The following ENTPD5 variants were observed in gnomAD, a reference collection of about 807,000 sequenced individuals.
The protein encoded by ENTPD5 is nucleoside diphosphate phosphatase ENTPD5.
In ENTPD5, 49 loss-of-function variants were observed where a neutral mutation model predicts 60.2. The observed-to-expected ratio is 0.81, with a 90% CI of 0.65 to 1.03. The LOEUF is 1.03. ENTPD5 is among the 50% of genes least tolerant of loss of function. The pLI is 0.00. For synonymous variants in ENTPD5, 187 were observed against 185.4 expected (o/e 1.01, Z -0.07); for missense variants, 480 against 507.6 (o/e 0.95, Z 0.52).
At chr14:73,974,081 G>A (rs1217530317) in intron 11 of ENTPD5, 103 bp from the exon 12 acceptor site, 15 of 880,394 alleles carry the variant, frequency 1.7e-5, no homozygotes, top group Non-Finnish European at 2.8e-5. Flanking sequence ...ATGGGGGCTG[G>A]GCCTTAAAAT....
intron 3 of ENTPD5, among the ~76,000 whole-genome samples, chr14:73,989,411 A>C (rs1259642675): frequency 1.7e-4 from 26 of 148,680 alleles, no homozygotes; most frequent in Non-Finnish European, 3.2e-4. Flanking sequence ...AAAATACAAA[A>C]ATTAGGCCGG....
At chr14:73,998,339 C>T (rs955007707) in intron 3 of ENTPD5, among the ~76,000 whole-genome samples, 6 of 152,072 alleles carry the variant, frequency 3.9e-5, no homozygotes, top group East Asian at 1.9e-4. Context: ...ATACGAAGGG[C>T]GGTAGAAGCT....
intron 3 of ENTPD5, chr14:74,003,453 A>C: frequency 7.1e-7 from 1 of 1,411,116 alleles, no homozygotes; most frequent in Non-Finnish European, 9.6e-7. Flanking sequence ...AAGAAGAAAG[A>C]TGAGGCAGAG....
At chr14:73,969,834 T>C (rs890511821) in intron 15 of ENTPD5, among the ~76,000 whole-genome samples, 176 bp downstream of exon 15, 1 of 152,222 alleles carries the variant, frequency 6.6e-6, no homozygotes, top group Admixed American at 6.5e-5. Context: ...GAGGCTACCA[T>C]TGCATTGAGA....
chr14:74,003,495 G>T, intron 3 of ENTPD5: 1 of 1,399,538 alleles, frequency 7.1e-7, no homozygotes, highest in East Asian at 2.6e-5. Flanking sequence ...GTTGCACCGT[G>T]GAGGCCACAC....
chr14:74,018,057 C>T (rs1245261618), intron 1 of ENTPD5, among the ~76,000 whole-genome samples: 1 of 150,560 alleles, frequency 6.6e-6, no homozygotes, highest in African/African-American at 2.5e-5. Context: ...TGGCATGCAC[C>T]TGTAGTCCCA....
At chr14:74,013,805 C>CAA (rs1479922824) in intron 2 of ENTPD5, among the ~76,000 whole-genome samples, 1 of 152,172 alleles carries the variant, frequency 6.6e-6, no homozygotes, top group East Asian at 1.9e-4. Context: ...ATCAGACAGG[C>CAA]TGTTATACAG....
chr14:73,956,533 A>T (rs1236665312), downstream of ENTPD5: 1 of 152,450 alleles, frequency 6.6e-6, no homozygotes, highest in Non-Finnish European at 1.5e-5. Flanking sequence ...TTCCTTCTGT[A>T]AAAAAAAACT....
intron 3 of ENTPD5, among the ~76,000 whole-genome samples, chr14:74,000,527 T>A (rs574628240): frequency 6.6e-6 from 1 of 152,082 alleles, no homozygotes; most frequent in African/African-American, 2.4e-5. Flanking sequence ...ACGCCTGTAA[T>A]CCCAACACTT....
At chr14:73,990,643 G>A (rs2058092586) in intron 3 of ENTPD5, among the ~76,000 whole-genome samples, 1 of 151,890 alleles carries the variant, frequency 6.6e-6, no homozygotes. Flanking sequence ...TTGTTTTACT[G>A]GAAAATAATT....
chr14:73,958,337 T>C (rs770956385), downstream of ENTPD5: 2 of 1,611,344 alleles, frequency 1.2e-6, no homozygotes, highest in Non-Finnish European at 1.7e-6. Context: ...TCCTAGATTC[T>C]AGGGACTCTG....
At chr14:73,999,604 A>T (rs907578014) in intron 3 of ENTPD5, among the ~76,000 whole-genome samples, 4 of 151,742 alleles carry the variant, frequency 2.6e-5, no homozygotes, top group Admixed American at 2.6e-4. Context: ...GACCAGACTG[A>T]CCAACATGGT....
rs564664465 is a variant in ENTPD5, at chr14:74,012,920, G to A, written c.-130-1770C>T. Among the ~76,000 whole-genome samples, 23 of 152,340 alleles carry A rather than the reference G, an allele frequency of 1.5e-4. No individual in the cohort carries two copies. The South Asian group carries it at 4.8e-3, about 32-fold the overall frequency. Reference sequence around the variant, plus strand: ...AGTCACAAGCTGGGGCCTCTAGTCTGCAGGATAAAAGACAAACTCCCTGTC... The same window carrying A: ...AGTCACAAGCTGGGGCCTCTAGTCTACAGGATAAAAGACAAACTCCCTGTC... On this transcript the variant is annotated intron_variant, in intron 2 of 15. Coordinates refer to ENST00000334696, the MANE Select transcript of ENTPD5 (RefSeq NM_001249.5).
intron 3 of ENTPD5, among the ~76,000 whole-genome samples, chr14:73,999,418 G>A (rs915257756): frequency 6.6e-6 from 1 of 151,966 alleles, no homozygotes; most frequent in Admixed American, 6.6e-5. Flanking sequence ...AACTCAGGAC[G>A]CAGAGGTTGC....
intron 5 of ENTPD5, among the ~76,000 whole-genome samples, chr14:73,983,649 A>G (rs1289581664): frequency 6.7e-6 from 1 of 148,514 alleles, no homozygotes; most frequent in East Asian, 2.0e-4. Flanking sequence ...AGGAGAATCC[A>G]TTTCATTTTG....
At chr14:73,984,822 A>G (rs769726884) in intron 5 of ENTPD5, among the ~76,000 whole-genome samples, 2 of 151,964 alleles carry the variant, frequency 1.3e-5, no homozygotes, top group African/African-American at 2.4e-5. Context: ...ATATGCATAC[A>G]TGTGCCACGT....
At chr14:73,979,615 G>T (rs1254582888) in intron 6 of ENTPD5, among the ~76,000 whole-genome samples, 1 of 150,834 alleles carries the variant, frequency 6.6e-6, no homozygotes, top group Non-Finnish European at 1.5e-5. Context: ...GGGACTACAG[G>T]TGCCTACCAC....
At chr14:74,002,945 A>C (rs1001595051) in intron 3 of ENTPD5, among the ~76,000 whole-genome samples, 1 of 152,194 alleles carries the variant, frequency 6.6e-6, no homozygotes, top group Non-Finnish European at 1.5e-5. Context: ...CTCTGCGCTT[A>C]TTCACTCATG....
chr14:73,969,332 G>A (rs17094410), intron 15 of ENTPD5, among the ~76,000 whole-genome samples: 2,226 of 152,246 alleles, frequency 0.015, 51 homozygotes, highest in African/African-American at 0.05. Flanking sequence ...TGCTTGCACC[G>A]TGTCTTCTGT....
Sources: gnomAD v4.1 joint callset for allele counts (sites outside exome capture counted in the v4.1 genomes callset) on GRCh38, gnomAD v4.1.1 for gene constraint, MANE v1.5 for transcripts, NCBI Gene and HGNC (gene_info 2026-07-23, HGNC 2026-07-21) for gene names.